The following NFIB variants were observed in gnomAD, a reference collection of about 807,000 sequenced individuals.
The protein encoded by NFIB is nuclear factor I B, also known as nuclear factor 1 B-type.
In NFIB, 11 loss-of-function variants were observed where a neutral mutation model predicts 61.5. The ratio of observed to expected loss-of-function variants is 0.18; its 90% CI spans 0.11 to 0.30. The LOEUF (loss-of-function observed/expected upper bound fraction) is 0.30, where lower values mean the gene tolerates loss of function less well. NFIB is among the 10% of genes least tolerant of loss of function. NFIB has a pLI of 1.00. For missense variants in NFIB, 471 were observed against 608.9 expected (o/e 0.77, Z 2.38); for synonymous variants, 260 against 216.5 (o/e 1.20, Z -1.76).
chr9:14,220,868 C>CACAT (rs1489031142), intron 2 of NFIB, among the ~76,000 whole-genome samples: 1 of 151,318 alleles, frequency 6.6e-6, no homozygotes, highest in Non-Finnish European at 1.5e-5. Context: ...CACACACACA[C>CACAT]ACACACACAC....
chr9:14,474,594 G>A, the NFIB span, among the ~76,000 whole-genome samples: 2 of 152,092 alleles, frequency 1.3e-5, no homozygotes, highest in Non-Finnish European at 2.9e-5. Context: ...TCTAAATATT[G>A]TCTAAATCTG....
chr9:14,427,952 T>TGTTTG, the NFIB span, among the ~76,000 whole-genome samples: 1 of 113,812 alleles, frequency 8.8e-6, no homozygotes, highest in African/African-American at 3.2e-5. Flanking sequence ...TTTTTTTTTT[T>TGTTTG]TTTTTTTTTT....
At chr9:14,265,034 C>T (rs143557907) in intron 2 of NFIB, among the ~76,000 whole-genome samples, 1,877 of 152,226 alleles carry the variant, frequency 0.012, 19 homozygotes, top group Middle Eastern at 0.051. Flanking sequence ...CAACATGAGA[C>T]GCTCTGCAAG....
At chr9:14,411,153 G>A in the NFIB span, among the ~76,000 whole-genome samples, 7 of 152,136 alleles carry the variant, frequency 4.6e-5, no homozygotes, top group Non-Finnish European at 1.0e-4. Flanking sequence ...AATCTTCTAA[G>A]AATCCCCAAC....
At chr9:14,366,285 G>A (rs914471599) in intron 1 of NFIB, among the ~76,000 whole-genome samples, 8 of 152,082 alleles carry the variant, frequency 5.3e-5, no homozygotes, top group African/African-American at 1.4e-4. Context: ...TTAACCTCGC[G>A]TCTGTGAAAA....
chr9:14,215,531 C>G (rs1253934092), intron 2 of NFIB, among the ~76,000 whole-genome samples: 2 of 152,050 alleles, frequency 1.3e-5, no homozygotes, highest in Non-Finnish European at 2.9e-5. Context: ...CACCTTGATT[C>G]TATTGCAAAG....
chr9:14,340,878 G>T (rs2060941375), intron 1 of NFIB, among the ~76,000 whole-genome samples: 1 of 142,484 alleles, frequency 7.0e-6, no homozygotes, highest in Admixed American at 6.9e-5. Flanking sequence ...CCTACTAGAA[G>T]TAAAGTCATG....
the NFIB span, among the ~76,000 whole-genome samples, chr9:14,427,882 C>T: frequency 6.8e-6 from 1 of 146,894 alleles, no homozygotes; most frequent in African/African-American, 2.5e-5. Flanking sequence ...CTCTAAAATT[C>T]CCCTGCCACT....
chr9:14,413,668 G>T, the NFIB span, among the ~76,000 whole-genome samples: 1 of 152,052 alleles, frequency 6.6e-6, no homozygotes, highest in Non-Finnish European at 1.5e-5. Flanking sequence ...TACATTTAAG[G>T]CCTGTAGAAA....
At chr9:14,242,258 T>C (rs57491792) in intron 2 of NFIB, among the ~76,000 whole-genome samples, 10,164 of 152,298 alleles carry the variant, frequency 0.067, 1,164 homozygotes, top group East Asian at 0.51. Context: ...GAAATATGCA[T>C]GAGTATTAAA....
intron 1 of NFIB, among the ~76,000 whole-genome samples, chr9:14,321,706 G>A (rs1209687012): frequency 1.3e-5 from 2 of 152,200 alleles, no homozygotes; most frequent in African/African-American, 4.8e-5. Context: ...TCATAAGAGT[G>A]TGTCACATGT....
At chr9:14,208,576 T>TC (rs1382248372) in intron 2 of NFIB, among the ~76,000 whole-genome samples, 1 of 151,118 alleles carries the variant, frequency 6.6e-6, no homozygotes, top group African/African-American at 2.4e-5. Context: ...TTTTTTTTTT[T>TC]CCTTAAGGAC....
At chr9:14,215,528 A>G (rs972120274) in intron 2 of NFIB, among the ~76,000 whole-genome samples, 5 of 152,226 alleles carry the variant, frequency 3.3e-5, no homozygotes, top group African/African-American at 1.2e-4. Flanking sequence ...ATGCACCTTG[A>G]TTCTATTGCA....
rs73641910 is a variant in NFIB at position 14,348,734 on chromosome 9, A to G, written c.109-41214T>C. On this transcript the variant is annotated intron_variant, in intron 1 of 8. Coordinates refer to the NFIB transcript ENST00000380934. ...CCGGGAGCAGCGGACAGTCAGCTGC[A>G]TGTGGCAGTGCCTAGCGAGCTGCTC... 3.6e-3 allele frequency among the ~76,000 whole-genome samples: 546 copies of G among 152,310 alleles called. 3 individuals carry two copies. Among genetic ancestry groups the G allele is most frequent in the African/African-American group, 0.012 (497 of 41,588 alleles).
chr9:14,291,851 T>C (rs1588160494), intron 2 of NFIB, among the ~76,000 whole-genome samples: 1 of 152,196 alleles, frequency 6.6e-6, no homozygotes, highest in South Asian at 2.1e-4. Flanking sequence ...TCTTTTCTTA[T>C]GTTATTGGAA....
intron 1 of NFIB, among the ~76,000 whole-genome samples, chr9:14,390,731 T>C (rs774522188): frequency 1.4e-4 from 21 of 152,356 alleles, no homozygotes; most frequent in Middle Eastern, 3.4e-3. Flanking sequence ...GTTCTTCTTC[T>C]ATGTGAGAAC....
the NFIB span, among the ~76,000 whole-genome samples, chr9:14,470,574 T>C: frequency 3.3e-5 from 5 of 152,130 alleles, no homozygotes; most frequent in Non-Finnish European, 5.9e-5. Flanking sequence ...AGTCACATAG[T>C]ACAAAACCTG....
chr9:14,363,619 A>G (rs2061265999), intron 1 of NFIB, among the ~76,000 whole-genome samples: 1 of 123,786 alleles, frequency 8.1e-6, no homozygotes, highest in South Asian at 2.3e-4. Flanking sequence ...ATGTGCATGT[A>G]TATGTGTGTA....
intron 2 of NFIB, among the ~76,000 whole-genome samples, chr9:14,252,894 T>C (rs1038570847): frequency 2.3e-5 from 3 of 131,494 alleles, no homozygotes; most frequent in Non-Finnish European, 4.6e-5. Flanking sequence ...AGTCCATCTG[T>C]CAAGGAAATT....
Sources: gnomAD v4.1 joint callset for allele counts (sites outside exome capture counted in the v4.1 genomes callset) on GRCh38, gnomAD v4.1.1 for gene constraint, MANE v1.5 for transcripts, NCBI Gene and HGNC (gene_info 2026-07-23, HGNC 2026-07-21) for gene names.